HS2ST1: variants seen among roughly 807,000 people sequenced by gnomAD.
HS2ST1 encodes the protein heparan sulfate 2-O-sulfotransferase 1.
HS2ST1 carries 18 observed loss-of-function variants against 42.9 expected under a neutral mutation model. The observed-to-expected ratio is 0.42, with a 90% CI of 0.29 to 0.62. The LOEUF (loss-of-function observed/expected upper bound fraction) is 0.62, where lower values mean the gene tolerates loss of function less well. Ranked by LOEUF, HS2ST1 falls within the 20% of genes least tolerant of loss-of-function variation. HS2ST1 has a pLI of 0.21. For missense variants in HS2ST1, 334 were observed against 433.8 expected, an observed-to-expected ratio of 0.77 and a Z score of 2.04; for synonymous variants, 146 against 152.9, an observed-to-expected ratio of 0.95 and a Z score of 0.33.
intron 2 of HS2ST1, among the ~76,000 whole-genome samples, chr1:87,079,546 A>G (rs929458976): frequency 1.3e-5 from 2 of 152,208 alleles, no homozygotes; most frequent in Admixed American, 6.5e-5. Context: ...AGAGAAGGTA[A>G]ACCTCAGTTC....
chr1:87,090,334 G>T (rs1327058900), intron 3 of HS2ST1, among the ~76,000 whole-genome samples: 1 of 151,982 alleles, frequency 6.6e-6, no homozygotes, highest in Non-Finnish European at 1.5e-5. Context: ...AATACCGAAT[G>T]TGACAGTGCT....
intron 1 of HS2ST1, among the ~76,000 whole-genome samples, chr1:87,068,636 G>A (rs865962205): frequency 1.3e-5 from 2 of 152,106 alleles, no homozygotes; most frequent in Middle Eastern, 3.4e-3. Context: ...GTCTTGCACC[G>A]GTTGTCAAAG....
chr1:86,926,073 T>G (rs1053730351), intron 1 of HS2ST1, among the ~76,000 whole-genome samples: 1 of 152,228 alleles, frequency 6.6e-6, no homozygotes, highest in Non-Finnish European at 1.5e-5. Flanking sequence ...GTTTGTTTGA[T>G]GGCACCACAA....
chr1:87,083,332 G>A (rs1017687770), intron 2 of HS2ST1, among the ~76,000 whole-genome samples: 2 of 152,028 alleles, frequency 1.3e-5, no homozygotes, highest in African/African-American at 2.4e-5. Flanking sequence ...AGATGGTTTC[G>A]GTGCGGTACA....
chr1:87,019,866 C>G (rs1382738390), intron 1 of HS2ST1, among the ~76,000 whole-genome samples: 1 of 152,182 alleles, frequency 6.6e-6, no homozygotes, highest in South Asian at 2.1e-4. Flanking sequence ...ATGACAGCAT[C>G]TGTTCTACAG....
intron 1 of HS2ST1, among the ~76,000 whole-genome samples, chr1:87,029,695 G>T (rs189247982): frequency 2.0e-5 from 3 of 152,096 alleles, no homozygotes; most frequent in Non-Finnish European, 4.4e-5. Flanking sequence ...AAATCTACAG[G>T]AATAAATACT....
chr1:87,079,024 T>A (rs935321855), intron 2 of HS2ST1, among the ~76,000 whole-genome samples: 1 of 152,186 alleles, frequency 6.6e-6, no homozygotes, highest in African/African-American at 2.4e-5. Context: ...AAAATAAAAC[T>A]TTTAAAAGTA....
At chr1:86,989,565 G>C (rs1648884067) in intron 1 of HS2ST1, among the ~76,000 whole-genome samples, 1 of 152,108 alleles carries the variant, frequency 6.6e-6, no homozygotes, top group Admixed American at 6.6e-5. Flanking sequence ...CCAAATTCAG[G>C]AGAACTTATT....
At chr1:87,000,189 A>C (rs940437465) in intron 1 of HS2ST1, among the ~76,000 whole-genome samples, 12 of 152,182 alleles carry the variant, frequency 7.9e-5, no homozygotes, top group Admixed American at 7.9e-4. Flanking sequence ...CTTTAAGTAC[A>C]TAAGAAGTGG....
At chr1:87,034,045 T>C (rs1269345717) in intron 1 of HS2ST1, among the ~76,000 whole-genome samples, 9 of 152,162 alleles carry the variant, frequency 5.9e-5, no homozygotes, top group Non-Finnish European at 1.2e-4. Flanking sequence ...TTTGCAAATA[T>C]TGAGGATTAT....
chr1:86,974,851 A>C (rs1006537652), intron 1 of HS2ST1, among the ~76,000 whole-genome samples: 3 of 152,168 alleles, frequency 2.0e-5, no homozygotes, highest in African/African-American at 4.8e-5. Context: ...CTCTCAAGTT[A>C]TTCTTTTTCT....
chr1:86,927,317 A>T (rs1223959854), intron 1 of HS2ST1, among the ~76,000 whole-genome samples: 1 of 152,162 alleles, frequency 6.6e-6, no homozygotes, highest in Non-Finnish European at 1.5e-5. Flanking sequence ...GCATGGCACA[A>T]TTCTTGCTAA....
intron 1 of HS2ST1, among the ~76,000 whole-genome samples, chr1:87,004,957 A>T (rs1252865139): frequency 6.6e-6 from 1 of 152,228 alleles, no homozygotes; most frequent in Admixed American, 6.5e-5. Flanking sequence ...TAATAGTTTG[A>T]ATAATTAATT....
chr1:87,034,072 A>T (rs1650310630), intron 1 of HS2ST1, among the ~76,000 whole-genome samples: 1 of 152,194 alleles, frequency 6.6e-6, no homozygotes, highest in Non-Finnish European at 1.5e-5. Flanking sequence ...TTAAATATAA[A>T]GATGTAGTAA....
At chr1:87,002,332 C>A (rs1001180748) in intron 1 of HS2ST1, among the ~76,000 whole-genome samples, 9 of 152,164 alleles carry the variant, frequency 5.9e-5, no homozygotes, top group African/African-American at 1.9e-4. Context: ...ATGGCTCACG[C>A]TTGTAGTCCC....
At chr1:87,098,398 T>G (rs1050341329) in intron 5 of HS2ST1, 29 of 847,910 alleles carry the variant, frequency 3.4e-5, no homozygotes, top group Admixed American at 3.1e-4. Context: ...CTAGTAAATA[T>G]CAAGTGGAAA....
At chr1:87,013,522 TG>T (rs1557515473) in intron 1 of HS2ST1, among the ~76,000 whole-genome samples, 1 of 152,190 alleles carries the variant, frequency 6.6e-6, no homozygotes, top group Non-Finnish European at 1.5e-5. Flanking sequence ...GGGCCTGTGA[TG>T]GGAGGGGCTG....
intron 1 of HS2ST1, chr1:86,934,495 A>G (rs1271950887): frequency 1.3e-5 from 2 of 152,198 alleles, no homozygotes; most frequent in Non-Finnish European, 2.9e-5. Flanking sequence ...GTTCCTATGG[A>G]TACTGGCTCC....
At chr1:87,044,262 T>A (rs1650590399) in intron 1 of HS2ST1, among the ~76,000 whole-genome samples, 1 of 152,114 alleles carries the variant, frequency 6.6e-6, no homozygotes, top group Non-Finnish European at 1.5e-5. Flanking sequence ...TATTTATTTA[T>A]TTAATTTTGT....
Sources: allele counts gnomAD v4.1 joint callset (sites outside exome capture counted in the v4.1 genomes callset), GRCh38; gene constraint gnomAD v4.1.1; transcripts MANE v1.5; gene names NCBI Gene and HGNC (gene_info 2026-07-23, HGNC 2026-07-21).